IQSEC1: variants seen among roughly 807,000 people sequenced by gnomAD.
IQSEC1 encodes the protein IQ motif and Sec7 domain ArfGEF 1.
In IQSEC1, 31 loss-of-function variants were observed where a neutral mutation model predicts 91.0. The observed-to-expected ratio is 0.34, with a 90% CI of 0.26 to 0.46. IQSEC1 has a LOEUF of 0.46. Among genes scored for constraint, IQSEC1 ranks in the 20% least tolerant of loss-of-function variants. IQSEC1 has a pLI of 1.00. For missense variants in IQSEC1, 1,388 were observed against 1,575.6 expected (o/e 0.88, Z 2.02); for synonymous variants, 699 against 662.6 (o/e 1.05, Z -0.84).
intron 1 of IQSEC1, among the ~76,000 whole-genome samples, chr3:13,052,424 A>G (rs1441887648): frequency 6.6e-6 from 1 of 152,176 alleles, no homozygotes; most frequent in Non-Finnish European, 1.5e-5. Context: ...TGGCTGGGAC[A>G]GTGTATTTAA....
At position 12,936,044 on chromosome 3, in the gene IQSEC1, G is replaced by A. The variant is rs778783528; in HGVS notation, c.972C>T (p.Gly324=). 5.0e-6 allele frequency: 8 copies of A among 1,603,822 alleles called. No homozygotes were observed. The highest frequency in any genetic ancestry group is 1.1e-5 in the South Asian group (1 of 91,056). The part of the protein sequence containing the change: ...TESDLRLRAG[G]AAPDYWALAH... ...CCAGGGCCCAGTAGTCTGGGGCTGCGCCCCCAGCCCGTAGCCGCAGGTCCG... is the reference window on the plus strand; with the variant it reads ...CCAGGGCCCAGTAGTCTGGGGCTGCACCCCCAGCCCGTAGCCGCAGGTCCG... The change falls in exon 3 of 14, where the codon GGC becomes GGT. Residue 324 remains glycine (G), a synonymous_variant. Transcript: ENST00000613206.
chr3:13,253,695 T>A (rs915824301), intron 1 of IQSEC1, among the ~76,000 whole-genome samples: 3 of 152,180 alleles, frequency 2.0e-5, no homozygotes, highest in African/African-American at 7.2e-5. Flanking sequence ...ATTTTTGAAG[T>A]ATCAACAGCC....
chr3:13,134,905 C>T (rs1480314629), intron 2 of IQSEC1, among the ~76,000 whole-genome samples: 1 of 152,058 alleles, frequency 6.6e-6, no homozygotes, highest in Non-Finnish European at 1.5e-5. Flanking sequence ...CAGGCCCGGG[C>T]CTGCCATGAA....
chr3:13,056,670 G>A (rs528921515), intron 1 of IQSEC1, among the ~76,000 whole-genome samples: 7 of 151,862 alleles, frequency 4.6e-5, no homozygotes, highest in African/African-American at 9.7e-5. Flanking sequence ...CAGCTCAGGC[G>A]GCTGATCTCC....
intron 1 of IQSEC1, among the ~76,000 whole-genome samples, chr3:13,187,513 A>G (rs1576287683): frequency 6.6e-6 from 1 of 152,184 alleles, no homozygotes; most frequent in Non-Finnish European, 1.5e-5. Flanking sequence ...ATTTTATTTA[A>G]CTTGTTTATT....
intron 2 of IQSEC1, among the ~76,000 whole-genome samples, chr3:13,145,106 C>A (rs926323893): frequency 1.3e-5 from 2 of 152,158 alleles, no homozygotes; most frequent in African/African-American, 4.8e-5. Context: ...GGCATGAGCC[C>A]CCCCATCTGC....
At chr3:13,032,742 C>A (rs1414096004) in intron 1 of IQSEC1, among the ~76,000 whole-genome samples, 1 of 152,142 alleles carries the variant, frequency 6.6e-6, no homozygotes, top group Admixed American at 6.5e-5. Context: ...CGCCACCACA[C>A]CCAGCTAATT....
At chr3:12,901,716 G>T (rs964004960) in intron 13 of IQSEC1, among the ~76,000 whole-genome samples, 194 bp from the exon 14 acceptor site, 1 of 152,002 alleles carries the variant, frequency 6.6e-6, no homozygotes, top group Non-Finnish European at 1.5e-5. Context: ...GCAGCTGGGG[G>T]TTACTGGCCT....
chr3:13,005,786 G>C (rs1220334689), intron 1 of IQSEC1, among the ~76,000 whole-genome samples: 1 of 152,222 alleles, frequency 6.6e-6, no homozygotes, highest in Non-Finnish European at 1.5e-5. Flanking sequence ...AGGTGAGCCA[G>C]CCAGCTTAGC....
At chr3:13,235,666 C>T (rs1001746087) in intron 1 of IQSEC1, among the ~76,000 whole-genome samples, 1 of 152,166 alleles carries the variant, frequency 6.6e-6, no homozygotes, top group Non-Finnish European at 1.5e-5. Flanking sequence ...GTGGCCCGGG[C>T]GGAGGAAGAA....
At chr3:12,960,125 G>A (rs550984756) in intron 1 of IQSEC1, among the ~76,000 whole-genome samples, 161 of 152,280 alleles carry the variant, frequency 1.1e-3, no homozygotes, top group African/African-American at 3.7e-3. Flanking sequence ...GACGGCTGGA[G>A]AGAATAGCAG....
chr3:12,922,229 C>A lies in IQSEC1; in HGVS notation c.1744G>T (p.Glu582Ter). The change falls in exon 5 of 14, where the codon GAG (glutamate) becomes TAG (stop). Residue 582 changes from glutamate to a stop codon, truncating the protein, a stop_gained. Transcript: ENST00000613206. LOFTEE classifies it high-confidence loss of function. This position sits in a 1 kb window ranked among gnomAD's most constrained non-coding sequence, Gnocchi z 5.1. ...AGCTCCATGGTAGAGAAGTCCATCT[C>A]GTCCACGACGCAGCTGGAATAGAGA... ...NRDVLDCVVD[E>*]MDFSTMELDE... is the part of the protein sequence containing the mutation. The A allele has an allele frequency of 6.3e-7, 1 of 1,593,092 alleles. No homozygotes were observed. Among genetic ancestry groups the A allele is most frequent in the Non-Finnish European group, 8.6e-7 (1 of 1,165,382 alleles).
chr3:13,062,559 ACC>A (rs1451771122), intron 1 of IQSEC1, among the ~76,000 whole-genome samples: 2 of 151,956 alleles, frequency 1.3e-5, no homozygotes, highest in Non-Finnish European at 2.9e-5. Flanking sequence ...CAGATCTTGG[ACC>A]CCACATCTGC....
At position 13,112,637 on chromosome 3, in the gene IQSEC1, G is replaced by A. The variant is rs555413455; in HGVS notation, c.302+51467C>T. 6.1e-4 allele frequency among the ~76,000 whole-genome samples: 93 copies of A among 152,380 alleles called. 1 individual carries two copies. Among genetic ancestry groups the A allele is most frequent in the East Asian group, 7.7e-4 (4 of 5,190 alleles). ...CCATGGTGGATGCGGCAGGAGCCTCGCACAGACAGTGGGCCAGGTGGTCCC... is the reference window on the plus strand; with the variant it reads ...CCATGGTGGATGCGGCAGGAGCCTCACACAGACAGTGGGCCAGGTGGTCCC... On this transcript the variant is annotated intron_variant, in intron 2 of 15. Transcript: ENST00000648114.
At chr3:12,913,050 T>TA (rs1483617639) in intron 9 of IQSEC1, among the ~76,000 whole-genome samples, 1 of 152,226 alleles carries the variant, frequency 6.6e-6, no homozygotes, top group Admixed American at 6.5e-5. Flanking sequence ...GGAAGAGGAT[T>TA]CTACAGTTGC....
intron 1 of IQSEC1, among the ~76,000 whole-genome samples, chr3:12,989,023 G>A (rs1282167598): frequency 2.6e-5 from 4 of 152,224 alleles, no homozygotes; most frequent in Non-Finnish European, 5.9e-5. Flanking sequence ...TAGAATCTAG[G>A]TTAGGCAAAG....
At chr3:12,977,241 G>A (rs960231579) in intron 1 of IQSEC1, among the ~76,000 whole-genome samples, 1 of 152,022 alleles carries the variant, frequency 6.6e-6, no homozygotes, top group Non-Finnish European at 1.5e-5. Flanking sequence ...CCAGCTACTA[G>A]GGAGGTTGAG....
At chr3:13,159,873 C>T (rs1200458242) in intron 2 of IQSEC1, among the ~76,000 whole-genome samples, 3 of 152,158 alleles carry the variant, frequency 2.0e-5, no homozygotes, top group Non-Finnish European at 4.4e-5. Context: ...ACCCTCCACC[C>T]GGTCATTCAT....
rs1701545856 is a variant in IQSEC1, at chr3:12,983,052, G to A, written c.24-41187C>T. Among the ~76,000 whole-genome samples the A allele has an allele frequency of 6.6e-6, 1 of 152,214 alleles. No individual in the cohort carries two copies. Among genetic ancestry groups the A allele is most frequent in the African/African-American group, 2.4e-5 (1 of 41,456 alleles). On this transcript the variant is annotated intron_variant, in intron 1 of 13. Transcript: ENST00000613206. This position sits in a 1 kb window ranked among gnomAD's most constrained non-coding sequence, Gnocchi z 4.3. ...GGTGCTTGTGCGTGGGATGGAGGGT[G>A]AGGAGTGCTATTGCTCACTGGGGGC... is the stretch of plus-strand genomic sequence containing the variant.
Sources: gnomAD v4.1 joint callset for allele counts (sites outside exome capture counted in the v4.1 genomes callset) on GRCh38, gnomAD v4.1.1 for gene constraint, Gnocchi (gnomAD v3.1) non-coding constraint, MANE v1.5 for transcripts, NCBI Gene and HGNC (gene_info 2026-07-23, HGNC 2026-07-21) for gene names.